DOCK7: variants seen among roughly 807,000 people sequenced by gnomAD.
The protein encoded by DOCK7 is dedicator of cytokinesis 7, also known as dedicator of cytokinesis protein 7.
DOCK7 carries 138 observed loss-of-function variants against 271.0 expected under a neutral mutation model. The observed-to-expected ratio is 0.51, with a 90% CI of 0.44 to 0.59. The LOEUF is 0.59. Ranked by LOEUF, DOCK7 falls within the 20% of genes least tolerant of loss-of-function variation. The pLI is 0.00. For synonymous variants in DOCK7, 823 were observed against 876.1 expected, an observed-to-expected ratio of 0.94 and a Z score of 1.07; for missense variants, 2,066 against 2,592.4, an observed-to-expected ratio of 0.80 and a Z score of 4.41.
At position 62,505,852 on chromosome 1, in the gene DOCK7, T is replaced by C. The variant is rs370748165; in HGVS notation, c.4477-36A>G. ...AAAATAAACAAATAAAATAGAGATG[T>C]ACTTGCAATTTAGTTATGGATGTTA... On this transcript the variant is annotated intron_variant, in intron 35 of 49. Coordinates refer to ENST00000635253, the MANE Select transcript of DOCK7 (RefSeq NM_001367561.1). The C allele has an allele frequency of 2.6e-4, 420 of 1,596,776 alleles. 2 individuals are homozygous for C. The highest frequency in any genetic ancestry group is 6.6e-4 in the Admixed American group (38 of 57,300).
intron 18 of DOCK7, among the ~76,000 whole-genome samples, chr1:62,563,516 C>T (rs1226309655): frequency 1.3e-5 from 2 of 151,918 alleles, no homozygotes; most frequent in Non-Finnish European, 1.5e-5. Context: ...TGAAAAAAGA[C>T]TCACCAAAAC....
chr1:62,604,692 C>G (rs1278621932), intron 14 of DOCK7: 2 of 1,613,128 alleles, frequency 1.2e-6, no homozygotes, highest in South Asian at 1.1e-5. Flanking sequence ...ATATAACAAA[C>G]CAAGAGCAAA....
intron 31 of DOCK7, among the ~76,000 whole-genome samples, chr1:62,522,515 T>C (rs1644881046): frequency 6.6e-6 from 1 of 152,072 alleles, no homozygotes. Context: ...AAATGCTTAG[T>C]AAACTAGTAA....
intron 43 of DOCK7, among the ~76,000 whole-genome samples, chr1:62,481,053 A>G (rs1028130676): frequency 1.3e-5 from 2 of 152,100 alleles, no homozygotes; most frequent in Admixed American, 6.5e-5. Context: ...GGGACAAAGA[A>G]GATGGTCAGG....
At chr1:62,518,575 A>G (rs1257212291) in intron 31 of DOCK7, among the ~76,000 whole-genome samples, 2 of 142,528 alleles carry the variant, frequency 1.4e-5, no homozygotes, top group Non-Finnish European at 3.2e-5. Context: ...CTCCATCTCA[A>G]AAAAAAAAAA....
At position 62,455,022 on chromosome 1, in the gene DOCK7, ATTCACATATTTAATAGTACC is replaced by A. The variant is rs1475160275; in HGVS notation, c.*372_*391del. ...CCCACTCGGTAAAATTAGTGTAAAC[ATTCACATATTTAATAGTACC>A]TTTAAAATAAGCATTACTACATTTA... On this transcript the variant is annotated 3_prime_UTR_variant, in exon 50 of 50. Coordinates refer to ENST00000635253, the MANE Select transcript of DOCK7 (RefSeq NM_001367561.1). 4.8e-6 allele frequency: 2 copies of A among 413,644 alleles called. No homozygotes were observed. Among genetic ancestry groups the A allele is most frequent in the Non-Finnish European group, 8.5e-6 (2 of 234,626 alleles). 25.6% of individuals were successfully genotyped at this position (413,644 alleles called of 1,614,324 possible).
intron 7 of DOCK7, among the ~76,000 whole-genome samples, chr1:62,639,366 T>G (rs1655688101): frequency 6.6e-6 from 1 of 151,858 alleles, no homozygotes; most frequent in Non-Finnish European, 1.5e-5. Context: ...AATTTCTAAT[T>G]TTTTAAAAGA....
intron 48 of DOCK7, among the ~76,000 whole-genome samples, chr1:62,461,581 C>T (rs1029025068): frequency 2.6e-5 from 4 of 151,376 alleles, no homozygotes; most frequent in South Asian, 2.1e-4. Flanking sequence ...GCAGGAGGAT[C>T]GCTTGAATCC....
At chr1:62,469,853 A>G (rs770909236) in intron 48 of DOCK7, among the ~76,000 whole-genome samples, 11 of 151,914 alleles carry the variant, frequency 7.2e-5, no homozygotes, top group African/African-American at 1.5e-4. Flanking sequence ...AATCAAAACC[A>G]CAATGCAATA....
intron 48 of DOCK7, among the ~76,000 whole-genome samples, chr1:62,460,092 T>TC (rs1238077590): frequency 3.1e-4 from 28 of 89,410 alleles, no homozygotes; most frequent in Middle Eastern, 0.015. Context: ...AGAGCAAGAC[T>TC]CGTCTCAAAA....
At chr1:62,513,057 A>G (rs753209199) in intron 33 of DOCK7, among the ~76,000 whole-genome samples, 11 of 152,140 alleles carry the variant, frequency 7.2e-5, no homozygotes, top group Non-Finnish European at 1.0e-4. Context: ...GGGGGAGGCT[A>G]CGCATACTAA....
intron 29 of DOCK7, among the ~76,000 whole-genome samples, chr1:62,532,999 C>A (rs940356143): frequency 3.3e-5 from 5 of 152,108 alleles, no homozygotes; most frequent in African/African-American, 1.2e-4. Context: ...ACACTTCTAG[C>A]AGAGGTAAGA....
intron 14 of DOCK7, chr1:62,601,816 AGTGGC>A (rs1650163120): frequency 6.2e-7 from 1 of 1,610,216 alleles, no homozygotes; most frequent in African/African-American, 1.3e-5. Flanking sequence ...TGAACATACA[AGTGGC>A]ATGTATGCCA....
intron 14 of DOCK7, chr1:62,602,484 G>A: frequency 1.1e-6 from 1 of 945,258 alleles, no homozygotes; most frequent in Non-Finnish European, 1.7e-6. Flanking sequence ...CGAACGAGAA[G>A]CAGTCTCAGC....
chr1:62,625,158 A>C lies in DOCK7; in HGVS notation c.1425+101T>G, dbSNP rs572950491. 4.8e-6 allele frequency: 5 copies of C among 1,050,566 alleles called. No homozygotes were observed. In the East Asian group the frequency reaches 7.7e-5, roughly 16 times the overall value. The allele number at this position is 1,050,566 out of a possible 1,614,324, so 65.1% of individuals were successfully genotyped here. ...TCTTAAAGTTTTTAAGTTTCTTGGA[A>C]TCACCCTCCCATACATGTATAGTAC... On this transcript the variant is annotated intron_variant, in intron 12 of 49. Transcript: ENST00000635253.
At chr1:62,557,715 C>T (rs988860424) in intron 20 of DOCK7, among the ~76,000 whole-genome samples, 1 of 150,762 alleles carries the variant, frequency 6.6e-6, no homozygotes, top group Admixed American at 6.7e-5. Flanking sequence ...AAATGCTATG[C>T]AAGTGTTTGC....
intron 21 of DOCK7, 66 bp from the exon 22 acceptor site, chr1:62,552,967 T>A: frequency 8.0e-7 from 1 of 1,243,326 alleles, no homozygotes; most frequent in Non-Finnish European, 1.1e-6. Flanking sequence ...TGAAAAAAAA[T>A]CTCTGCCACT....
At chr1:62,638,787 C>T (rs1655615990) in intron 7 of DOCK7, among the ~76,000 whole-genome samples, 2 of 150,946 alleles carry the variant, frequency 1.3e-5, no homozygotes, top group Non-Finnish European at 3.0e-5. Context: ...GAGAGGAAAG[C>T]AGGGGGGAGA....
chr1:62,465,102 G>C (rs1340506678), intron 48 of DOCK7, among the ~76,000 whole-genome samples: 1 of 152,156 alleles, frequency 6.6e-6, no homozygotes, highest in Non-Finnish European at 1.5e-5. Context: ...AAAAACTGCA[G>C]TACATACTGT....
Sources: gnomAD v4.1 joint callset for allele counts (sites outside exome capture counted in the v4.1 genomes callset) on GRCh38, gnomAD v4.1.1 for gene constraint, MANE v1.5 for transcripts, NCBI Gene and HGNC (gene_info 2026-07-23, HGNC 2026-07-21) for gene names.